Variants in SLC24A2 observed in about 807,000 individuals in gnomAD.
SLC24A2 encodes the protein solute carrier family 24 member 2, also known as sodium/potassium/calcium exchanger 2.
Under a neutral mutation model 62.0 loss-of-function variants are expected in SLC24A2, and 36 were observed. That is an observed-to-expected ratio of 0.58 (90% CI 0.44 to 0.77). The LOEUF (loss-of-function observed/expected upper bound fraction) is 0.77. Ranked by LOEUF, SLC24A2 falls within the 30% of genes least tolerant of loss-of-function variation. The pLI, the probability that SLC24A2 is intolerant of heterozygous loss-of-function variation, is 0.00. For missense variants in SLC24A2, 846 were observed against 817.9 expected (o/e 1.03, Z -0.42); for synonymous variants, 358 against 294.0 (o/e 1.22, Z -2.23).
At chr9:20,066,352 C>G in the SLC24A2 span, among the ~76,000 whole-genome samples, 1 of 152,226 alleles carries the variant, frequency 6.6e-6, no homozygotes, top group South Asian at 2.1e-4. Flanking sequence ...TCCAGGGCAT[C>G]TCTGCAACAA....
At chr9:20,299,709 C>A in the SLC24A2 span, among the ~76,000 whole-genome samples, 1 of 152,174 alleles carries the variant, frequency 6.6e-6, no homozygotes, top group Non-Finnish European at 1.5e-5. Flanking sequence ...ACTTGCCTTC[C>A]CTGGTCACCT....
the SLC24A2 span, among the ~76,000 whole-genome samples, chr9:19,992,791 C>G: frequency 6.6e-6 from 1 of 152,182 alleles, no homozygotes; most frequent in African/African-American, 2.4e-5. Context: ...TCTGATCATA[C>G]AGTAAATGTA....
At chr9:19,766,570 C>T (rs532211059) in intron 2 of SLC24A2, among the ~76,000 whole-genome samples, 3 of 152,214 alleles carry the variant, frequency 2.0e-5, no homozygotes, top group African/African-American at 4.8e-5. Context: ...TTCTGTAGGT[C>T]TGCTGGAGTT....
intron 2 of SLC24A2, among the ~76,000 whole-genome samples, chr9:19,734,227 T>C (rs370130324): frequency 1.8e-3 from 274 of 152,302 alleles, no homozygotes; most frequent in Admixed American, 5.6e-3. Context: ...ATGGCTCTGT[T>C]CTGTTCCATT....
intron 2 of SLC24A2, among the ~76,000 whole-genome samples, chr9:19,659,576 T>C (rs1327008050): frequency 1.3e-5 from 2 of 152,166 alleles, no homozygotes; most frequent in African/African-American, 4.8e-5. Flanking sequence ...CGCTTATCCT[T>C]TATAATAATA....
the SLC24A2 span, among the ~76,000 whole-genome samples, chr9:20,069,571 G>T: frequency 4.6e-5 from 7 of 152,266 alleles, no homozygotes; most frequent in Non-Finnish European, 8.8e-5. Flanking sequence ...ATCCTTTAAA[G>T]ATCACAATTC....
the SLC24A2 span, among the ~76,000 whole-genome samples, chr9:20,172,597 A>T: frequency 6.6e-6 from 1 of 152,118 alleles, no homozygotes; most frequent in Non-Finnish European, 1.5e-5. Flanking sequence ...TTGAAAACCT[A>T]GAGGAGATGG....
chr9:19,515,969 G>A lies in SLC24A2; in HGVS notation c.*184C>T. ...TACATGAAGTCATTTCAGTAGGCAG[G>A]GTGGAAGCAGCCTGTGAAGTGAATG... is the stretch of plus-strand genomic sequence containing the variant. On this transcript the variant is annotated 3_prime_UTR_variant, in exon 11 of 11. Coordinates refer to ENST00000341998, the MANE Select transcript of SLC24A2 (RefSeq NM_020344.4). 1.3e-6 allele frequency: 1 copy of A among 744,546 alleles called. No homozygotes were observed. Among genetic ancestry groups the A allele is most frequent in the South Asian group, 1.5e-5 (1 of 66,126 alleles). The allele number at this position is 744,546 out of a possible 1,614,324, so 46.1% of individuals were successfully genotyped here.
chr9:19,934,257 G>A, the SLC24A2 span, among the ~76,000 whole-genome samples: 1 of 152,156 alleles, frequency 6.6e-6, no homozygotes, highest in East Asian at 1.9e-4. The surrounding 1 kb of genome is among the most constrained non-coding windows in gnomAD (Gnocchi z 4.1). Context: ...AGACGGGGTG[G>A]CCGGGCCTCA....
At chr9:20,224,776 G>GGC in the SLC24A2 span, among the ~76,000 whole-genome samples, 1 of 151,956 alleles carries the variant, frequency 6.6e-6, no homozygotes, top group Admixed American at 6.6e-5. Flanking sequence ...ATGCTGTTGG[G>GGC]GCCCTGCCCA....
the SLC24A2 span, among the ~76,000 whole-genome samples, chr9:19,835,158 C>T: frequency 6.6e-6 from 1 of 152,210 alleles, no homozygotes; most frequent in African/African-American, 2.4e-5. Context: ...TAGGAAGAAA[C>T]TGCATCACCT....
At chr9:19,546,727 A>G (rs1834594841) in intron 8 of SLC24A2, among the ~76,000 whole-genome samples, 1 of 148,302 alleles carries the variant, frequency 6.7e-6, no homozygotes, top group African/African-American at 2.6e-5. Context: ...GGCACCACTG[A>G]GGTATGGGAA....
At chr9:19,867,037 T>C in the SLC24A2 span, among the ~76,000 whole-genome samples, 16 of 152,108 alleles carry the variant, frequency 1.1e-4, no homozygotes, top group African/African-American at 3.9e-4. Flanking sequence ...AATAATTTAA[T>C]TGTACATTTA....
At chr9:20,056,253 T>C in the SLC24A2 span, among the ~76,000 whole-genome samples, 1 of 152,130 alleles carries the variant, frequency 6.6e-6, no homozygotes, top group African/African-American at 2.4e-5. Context: ...CATGAATAAA[T>C]TGGTGGATGG....
At chr9:19,896,084 C>G in the SLC24A2 span, 2 of 758,796 alleles carry the variant, frequency 2.6e-6, no homozygotes, top group East Asian at 5.4e-5. Context: ...GGCAGTGATG[C>G]CTCCTTGGAG....
At chr9:20,205,231 A>C in the SLC24A2 span, among the ~76,000 whole-genome samples, 1 of 152,190 alleles carries the variant, frequency 6.6e-6, no homozygotes, top group South Asian at 2.1e-4. Flanking sequence ...CTCCCTATTG[A>C]AGCATGATGG....
the SLC24A2 span, among the ~76,000 whole-genome samples, chr9:19,830,055 A>T: frequency 6.6e-6 from 1 of 152,006 alleles, no homozygotes; most frequent in African/African-American, 2.4e-5. Flanking sequence ...GCAAGGGCAG[A>T]TGGGTGATGA....
At chr9:19,753,865 G>A (rs1444514259) in intron 2 of SLC24A2, among the ~76,000 whole-genome samples, 1 of 152,010 alleles carries the variant, frequency 6.6e-6, no homozygotes, top group African/African-American at 2.4e-5. Flanking sequence ...AAGTGGCAGG[G>A]GATGAGACCC....
At chr9:20,278,339 A>C in the SLC24A2 span, among the ~76,000 whole-genome samples, 2 of 152,192 alleles carry the variant, frequency 1.3e-5, no homozygotes, top group Middle Eastern at 3.2e-3. Flanking sequence ...TTTAAATATA[A>C]GTTCCAACTC....
Sources: gnomAD v4.1 joint callset for allele counts (sites outside exome capture counted in the v4.1 genomes callset) on GRCh38, gnomAD v4.1.1 for gene constraint, Gnocchi (gnomAD v3.1) non-coding constraint, MANE v1.5 for transcripts, NCBI Gene and HGNC (gene_info 2026-07-23, HGNC 2026-07-21) for gene names.